Variants in ERBB4 observed in about 807,000 individuals in gnomAD.
ERBB4 encodes the protein erb-b2 receptor tyrosine kinase 4.
In ERBB4, 42 loss-of-function variants were observed where a neutral mutation model predicts 158.0. The observed-to-expected ratio is 0.27, with a 90% CI of 0.21 to 0.34. ERBB4 has a LOEUF of 0.34. ERBB4 is among the 10% of genes least tolerant of loss of function. The probability of loss-of-function intolerance (pLI) is 1.00; values close to 1 mark genes in which losing one functional copy is unlikely to be tolerated. For synonymous variants in ERBB4, 583 were observed against 558.7 expected, an observed-to-expected ratio of 1.04 and a Z score of -0.61; for missense variants, 1,333 against 1,624.1, an observed-to-expected ratio of 0.82 and a Z score of 3.08.
At chr2:212,262,842 T>C (rs1036653723) in intron 1 of ERBB4, among the ~76,000 whole-genome samples, 1 of 152,168 alleles carries the variant, frequency 6.6e-6, no homozygotes, top group Non-Finnish European at 1.5e-5. Flanking sequence ...TGTAAATGTA[T>C]GTCTGGAACT....
At chr2:211,425,383 A>C (rs1208541282) in intron 22 of ERBB4, among the ~76,000 whole-genome samples, 2 of 149,056 alleles carry the variant, frequency 1.3e-5, no homozygotes, top group Non-Finnish European at 2.9e-5. Context: ...ATTTAAAATT[A>C]TTCTTTCTAA....
intron 16 of ERBB4, among the ~76,000 whole-genome samples, chr2:211,636,685 T>C (rs1329113436): frequency 1.3e-5 from 2 of 151,938 alleles, no homozygotes; most frequent in Non-Finnish European, 2.9e-5. Context: ...GAATTTAGGA[T>C]ACCCAGAGTT....
intron 1 of ERBB4, among the ~76,000 whole-genome samples, chr2:212,357,337 G>A (rs1035402405): frequency 2.6e-5 from 4 of 151,854 alleles, no homozygotes; most frequent in Non-Finnish European, 5.9e-5. Context: ...ATTTATCAAA[G>A]AAAAGTGCTC....
At chr2:211,554,636 C>T (rs1163421129) in intron 20 of ERBB4, among the ~76,000 whole-genome samples, 2 of 152,198 alleles carry the variant, frequency 1.3e-5, no homozygotes, top group Admixed American at 6.5e-5. Flanking sequence ...TGTGATGGAA[C>T]CTTGGTCCCA....
chr2:212,295,215 A>G (rs1310859554), intron 1 of ERBB4, among the ~76,000 whole-genome samples: 1 of 152,112 alleles, frequency 6.6e-6, no homozygotes, highest in Non-Finnish European at 1.5e-5. Flanking sequence ...ATTGCTATTT[A>G]CATAATAGAA....
At chr2:211,479,065 G>A (rs2065023864) in intron 20 of ERBB4, among the ~76,000 whole-genome samples, 1 of 152,042 alleles carries the variant, frequency 6.6e-6, no homozygotes, top group South Asian at 2.1e-4. Flanking sequence ...CTCTAACTCA[G>A]TGCTTCTCAA....
chr2:212,041,859 A>G (rs1017504292), intron 2 of ERBB4, among the ~76,000 whole-genome samples: 4 of 151,942 alleles, frequency 2.6e-5, no homozygotes, highest in African/African-American at 9.7e-5. Context: ...TAACAGCTCC[A>G]CTCTTACTTA....
At chr2:212,413,772 A>T (rs937263138) in intron 1 of ERBB4, among the ~76,000 whole-genome samples, 5 of 152,158 alleles carry the variant, frequency 3.3e-5, no homozygotes, top group African/African-American at 4.8e-5. Flanking sequence ...TTTTTATATG[A>T]CATGTACACA....
intron 3 of ERBB4, among the ~76,000 whole-genome samples, chr2:211,828,929 C>T (rs1410092217): frequency 6.6e-6 from 1 of 152,098 alleles, no homozygotes; most frequent in Non-Finnish European, 1.5e-5. Flanking sequence ...GGTTTCAGCT[C>T]AATTTTGCCT....
chr2:211,552,123 C>A (rs530809197), intron 20 of ERBB4, among the ~76,000 whole-genome samples: 316 of 152,102 alleles, frequency 2.1e-3, no homozygotes, highest in African/African-American at 7.3e-3. Context: ...GATACCTGTC[C>A]CTGGGCCACA....
intron 2 of ERBB4, among the ~76,000 whole-genome samples, chr2:212,094,257 A>G (rs1481003976): frequency 3.3e-5 from 5 of 149,872 alleles, no homozygotes; most frequent in Admixed American, 1.3e-4. Context: ...GTATAATAAT[A>G]ATAAAAAATA....
chr2:211,548,254 C>T (rs898558012), intron 20 of ERBB4, among the ~76,000 whole-genome samples: 5 of 151,238 alleles, frequency 3.3e-5, no homozygotes, highest in Middle Eastern at 3.2e-3. Context: ...CAACCAGGTG[C>T]TTTATCACCG....
At chr2:212,459,150 C>T (rs994080293) in intron 1 of ERBB4, among the ~76,000 whole-genome samples, 1 of 151,916 alleles carries the variant, frequency 6.6e-6, no homozygotes, top group Non-Finnish European at 1.5e-5. Flanking sequence ...TATAAGAAAA[C>T]TTTAGCCTTC....
chr2:212,240,676 A>T lies in ERBB4; in HGVS notation c.83-115773T>A, dbSNP rs76466299. ...AAAAAAAAAAAAAAAAACAGAAAAA[A>T]AAGAAAAAAGGACAGATAATTAACA... is the stretch of plus-strand genomic sequence containing the variant. On this transcript the variant is annotated intron_variant, in intron 1 of 27. Coordinates refer to ENST00000342788, the MANE Select transcript of ERBB4 (RefSeq NM_005235.3). Among the ~76,000 whole-genome samples the T allele has an allele frequency of 9.0e-5, 12 of 133,364 alleles. No homozygotes were observed. The East Asian group carries it at 9.3e-4, about 10-fold the overall frequency. 87.5% of individuals were successfully genotyped at this position (133,364 alleles called of 152,430 possible).
chr2:212,258,221 T>C (rs1479131060), intron 1 of ERBB4, among the ~76,000 whole-genome samples: 4 of 152,088 alleles, frequency 2.6e-5, no homozygotes, highest in Non-Finnish European at 5.9e-5. Flanking sequence ...TTTCATATGC[T>C]ATTTGCAAAA....
chr2:212,255,798 C>T (rs16848108), intron 1 of ERBB4, among the ~76,000 whole-genome samples: 34,419 of 151,748 alleles, frequency 0.23, 4,529 homozygotes, highest in Non-Finnish European at 0.28. Context: ...TTTCAAATCA[C>T]TGGGTAGGTG....
intron 12 of ERBB4, among the ~76,000 whole-genome samples, chr2:211,701,180 C>A (rs1039851072): frequency 2.2e-4 from 34 of 152,166 alleles, no homozygotes; most frequent in African/African-American, 6.3e-4. Context: ...ATAAAATAAA[C>A]TTTCTTTCTG....
At chr2:211,997,559 C>T (rs2082229088) in intron 2 of ERBB4, among the ~76,000 whole-genome samples, 1 of 151,960 alleles carries the variant, frequency 6.6e-6, no homozygotes, top group African/African-American at 2.4e-5. Flanking sequence ...TAACTTCAGT[C>T]ATAATTATAT....
At chr2:211,771,236 C>T (rs977463287) in intron 4 of ERBB4, among the ~76,000 whole-genome samples, 2 of 152,176 alleles carry the variant, frequency 1.3e-5, no homozygotes, top group African/African-American at 2.4e-5. Context: ...GTGGACATGA[C>T]GAACCTTGGC....
Sources: gnomAD v4.1 joint callset for allele counts (sites outside exome capture counted in the v4.1 genomes callset) on GRCh38, gnomAD v4.1.1 for gene constraint, MANE v1.5 for transcripts, NCBI Gene and HGNC (gene_info 2026-07-23, HGNC 2026-07-21) for gene names.